Variants in OTC observed in about 807,000 individuals in gnomAD.
OTC encodes ornithine transcarbamylase, mitochondrial.
A neutral mutation model predicts 30.3 loss-of-function variants in OTC; 3 were observed. That is an observed-to-expected ratio of 0.10 (90% CI 0.05 to 0.26). The LOEUF (loss-of-function observed/expected upper bound fraction) is 0.26. Among genes scored for constraint, OTC ranks in the 10% least tolerant of loss-of-function variants. The pLI is 1.00. For synonymous variants in OTC, 111 were observed against 99.7 expected (o/e 1.11, Z -0.67); for missense variants, 194 against 260.3 (o/e 0.75, Z 1.75).
chrX:38,367,188 A>G, intron 1 of OTC, 103 bp from the exon 2 acceptor site: 1 of 686,644 alleles, frequency 1.5e-6, no homozygotes, highest in East Asian at 3.7e-5. Context: ...AAAAAAAAAA[A>G]GAAAAGAAAA....
Position 38,367,083 on chromosome X carries a change from C to T in OTC, c.78-208C>T, listed in dbSNP as rs141768896. Among the ~76,000 whole-genome samples, 3,085 of 108,220 alleles carry T rather than the reference C, an allele frequency of 0.029. 49 individuals are homozygous for T. The highest frequency in any genetic ancestry group is 0.061 in the Middle Eastern group (13 of 214). 94.0% of individuals were successfully genotyped at this position (108,220 alleles called of 115,157 possible). On this transcript the variant is annotated intron_variant, in intron 1 of 9. Coordinates refer to ENST00000039007, the MANE Select transcript of OTC (RefSeq NM_000531.6). ...GTTTCAGCTACTTGGGTGGCTGAAG[C>T]AGGAGAATCGCTTGAACCTGGGAGG...
At chrX:38,381,671 G>A (rs1398831769) in intron 4 of OTC, among the ~76,000 whole-genome samples, 1 of 111,496 alleles carries the variant, frequency 9.0e-6, no homozygotes, top group African/African-American at 3.3e-5. Flanking sequence ...CAAACTTATG[G>A]AAATTTTGAG....
chrX:38,337,603 A>G, the OTC span, among the ~76,000 whole-genome samples: 1 of 111,683 alleles, frequency 9.0e-6, no homozygotes, highest in African/African-American at 3.3e-5. Context: ...GCTCACTGGG[A>G]GCGTTTGCCG....
chrX:38,416,504 CT>C (rs757818758), intron 9 of OTC, among the ~76,000 whole-genome samples: 1 of 111,938 alleles, frequency 8.9e-6, no homozygotes, highest in Non-Finnish European at 1.9e-5. Context: ...AGAAAAAATG[CT>C]GACACTTCAA....
chrX:38,354,979 C>T (rs1475428077), intron 1 of OTC, among the ~76,000 whole-genome samples: 4 of 110,217 alleles, frequency 3.6e-5, no homozygotes, highest in Admixed American at 9.6e-5. Flanking sequence ...CACAGGGATT[C>T]GAGTTATTTT....
upstream of OTC, among the ~76,000 whole-genome samples, chrX:38,347,621 C>T (rs1428643842): frequency 8.9e-6 from 1 of 112,282 alleles, no homozygotes; most frequent in Non-Finnish European, 1.9e-5. Context: ...CTGCAGTAAT[C>T]GCCATCTGTC....
chrX:38,407,364 G>A (rs930181349), intron 6 of OTC, among the ~76,000 whole-genome samples: 1 of 112,281 alleles, frequency 8.9e-6, no homozygotes, highest in Non-Finnish European at 1.9e-5. Flanking sequence ...AGCAGCTGGG[G>A]GAATAAGTCC....
At chrX:38,382,768 A>T (rs1258790363) in intron 4 of OTC, among the ~76,000 whole-genome samples, 2 of 112,389 alleles carry the variant, frequency 1.8e-5, no homozygotes, top group Non-Finnish European at 3.7e-5. Context: ...TTCAGTGAGG[A>T]TCCTCTATAT....
the OTC span, among the ~76,000 whole-genome samples, chrX:38,345,924 T>A: frequency 4.5e-5 from 5 of 111,578 alleles, no homozygotes; most frequent in African/African-American, 1.6e-4. Flanking sequence ...TTATCGTCTT[T>A]GTTTAAACCA....
At chrX:38,405,477 T>C (rs979561331) in intron 6 of OTC, among the ~76,000 whole-genome samples, 1 of 110,682 alleles carries the variant, frequency 9.0e-6, no homozygotes, top group African/African-American at 3.3e-5. Flanking sequence ...CCCCCTCTTC[T>C]TATAGGGACA....
At chrX:38,409,117 G>A (rs2068530831) in intron 8 of OTC, 92 bp downstream of exon 8, 1 of 933,207 alleles carries the variant, frequency 1.1e-6, no homozygotes, top group African/African-American at 1.9e-5. Context: ...GGAGCAGACT[G>A]TCCTTTCATT....
chrX:38,412,568 C>T (rs978667705), intron 9 of OTC, among the ~76,000 whole-genome samples: 1 of 112,211 alleles, frequency 8.9e-6, no homozygotes, highest in African/African-American at 3.2e-5. Flanking sequence ...GTTTCATCTT[C>T]ATCACTGTCA....
chrX:38,374,096 G>A lies in OTC; in HGVS notation c.298+4219G>A, dbSNP rs1371534099. Among the ~76,000 whole-genome samples, 3 of 111,393 alleles carry A rather than the reference G, an allele frequency of 2.7e-5. No individual in the cohort carries two copies. In the Admixed American group the frequency reaches 2.9e-4, roughly 11 times the overall value. On this transcript the variant is annotated intron_variant, in intron 3 of 9. Transcript: ENST00000039007. ...GGAGAATGGCGTGAACCCGGGAGGC[G>A]GAGCTTGCAGTGAGCCGAGAACGCG...
At chrX:38,393,732 T>C (rs2068440599) in intron 4 of OTC, among the ~76,000 whole-genome samples, 1 of 112,573 alleles carries the variant, frequency 8.9e-6, no homozygotes, top group Admixed American at 9.4e-5. Flanking sequence ...GTTTTCTCAT[T>C]GCTGCTTTAA....
At chrX:38,403,055 G>A (rs7876494) in intron 5 of OTC, among the ~76,000 whole-genome samples, 1,905 of 111,108 alleles carry the variant, frequency 0.017, 33 homozygotes, top group African/African-American at 0.057. Context: ...CAGGTGATCC[G>A]CCCACCTTGG....
chrX:38,359,877 T>G (rs1425785891), intron 1 of OTC, among the ~76,000 whole-genome samples: 1 of 110,204 alleles, frequency 9.1e-6, no homozygotes, highest in African/African-American at 3.3e-5. Flanking sequence ...CTTTCAATAT[T>G]CATCCCAGAA....
chrX:38,352,225 A>G (rs1172335279), upstream of OTC, among the ~76,000 whole-genome samples: 1 of 111,921 alleles, frequency 8.9e-6, no homozygotes, highest in Non-Finnish European at 1.9e-5. Context: ...GAGGTAGAAA[A>G]GTGAAATAAA....
rs1602026625 is a variant in OTC, at chrX:38,395,171, C to G, written c.387-6104C>G. On this transcript the variant is annotated intron_variant, in intron 4 of 9. Transcript: ENST00000039007. ...TATTTTTAGTAGAGACGGGGTTTCA[C>G]TATGTTGGCCAGGCTGGTCTCGAAC... Among the ~76,000 whole-genome samples the G allele has an allele frequency of 2.7e-5, 3 of 110,718 alleles. No individual in the cohort carries two copies. In the East Asian group the frequency reaches 8.5e-4, roughly 31 times the overall value.
intron 9 of OTC, among the ~76,000 whole-genome samples, chrX:38,417,134 C>T (rs1403784033): frequency 8.9e-6 from 1 of 111,890 alleles, no homozygotes; most frequent in African/African-American, 3.2e-5. Flanking sequence ...TGTCCCCCTA[C>T]TATAATGAAA....
Sources: allele counts gnomAD v4.1 joint callset (sites outside exome capture counted in the v4.1 genomes callset), GRCh38; gene constraint gnomAD v4.1.1; transcripts MANE v1.5; gene names NCBI Gene and HGNC (gene_info 2026-07-23, HGNC 2026-07-21).